The following PBX1 variants were observed in gnomAD, a reference collection of about 807,000 sequenced individuals.
PBX1 encodes pre-B-cell leukemia transcription factor 1.
A neutral mutation model predicts 53.4 loss-of-function variants in PBX1; 6 were observed. That is an observed-to-expected ratio of 0.11 (90% confidence interval 0.06 to 0.22). The LOEUF (loss-of-function observed/expected upper bound fraction) is 0.22, where lower values mean the gene tolerates loss of function less well. PBX1 is among the 10% of genes least tolerant of loss of function. PBX1 has a pLI of 1.00. For synonymous variants in PBX1, 204 were observed against 212.3 expected (o/e 0.96, Z 0.34); for missense variants, 251 against 551.4 (o/e 0.46, Z 5.46).
chr1:164,628,022 T>C (rs1780336), intron 2 of PBX1, among the ~76,000 whole-genome samples: 149,208 of 152,338 alleles, frequency 0.98, 73,143 homozygotes, highest in Middle Eastern at 1. Flanking sequence ...GAGAAAAGTA[T>C]GTTAATTGCT....
chr1:164,680,497 C>T (rs895785640), intron 2 of PBX1: 2 of 152,194 alleles, frequency 1.3e-5, no homozygotes, highest in African/African-American at 4.8e-5. Context: ...ATTTTATACT[C>T]TTATGCAGTG....
chr1:164,622,472 T>G (rs1336210173), intron 2 of PBX1, among the ~76,000 whole-genome samples: 2 of 152,178 alleles, frequency 1.3e-5, no homozygotes, highest in Non-Finnish European at 2.9e-5. Flanking sequence ...TGAGGCTGCT[T>G]GTTCCCTATG....
intron 2 of PBX1, among the ~76,000 whole-genome samples, chr1:164,665,012 A>G (rs1218936449): frequency 4.6e-5 from 7 of 152,174 alleles, no homozygotes; most frequent in South Asian, 2.1e-4. Flanking sequence ...AAAAGAGACC[A>G]TTTTGTAAAA....
intron 2 of PBX1, among the ~76,000 whole-genome samples, chr1:164,735,987 G>A (rs1665248527): frequency 6.6e-6 from 1 of 152,144 alleles, no homozygotes; most frequent in African/African-American, 2.4e-5. Flanking sequence ...ATTGTGGCTT[G>A]TCTATGGATG....
At chr1:164,751,786 T>C (rs1303964438) in intron 2 of PBX1, among the ~76,000 whole-genome samples, 2 of 152,086 alleles carry the variant, frequency 1.3e-5, no homozygotes, top group African/African-American at 2.4e-5. Context: ...TTCACCATGT[T>C]GGCCAGGCTG....
At chr1:164,826,413 C>CT (rs199769824) in intron 8 of PBX1, among the ~76,000 whole-genome samples, 2,980 of 151,050 alleles carry the variant, frequency 0.02, 101 homozygotes, top group African/African-American at 0.068. Context: ...TGTTTGTTTT[C>CT]TTTTTTTTTG....
Position 164,863,212 on chromosome 1 carries a change from G to A in PBX1, n.257+31729G>A, listed in dbSNP as rs146183225. ...GCCCTGGCAGGGAGCTGCCCTAATC[G>A]GTTTTACATTGTAGCTGCATGGAGA... On this transcript the variant is annotated intron_variant and non_coding_transcript_variant, in intron 2 of 2. Transcript: ENST00000558796. Among the ~76,000 whole-genome samples, 1,128 of 152,328 alleles carry A rather than the reference G, an allele frequency of 7.4e-3. 9 individuals are homozygous for A. Among genetic ancestry groups the A allele is most frequent in the African/African-American group, 0.026 (1,088 of 41,570 alleles).
At chr1:164,768,375 C>T (rs2102238797) in intron 2 of PBX1, among the ~76,000 whole-genome samples, 1 of 152,338 alleles carries the variant, frequency 6.6e-6, no homozygotes, top group African/African-American at 2.4e-5. Flanking sequence ...GCCCAGGACA[C>T]AGAGGGGCAC....
intron 2 of PBX1, among the ~76,000 whole-genome samples, chr1:164,857,553 G>A (rs1672006080): frequency 6.6e-6 from 1 of 152,174 alleles, no homozygotes; most frequent in Non-Finnish European, 1.5e-5. Context: ...GTGGGGTGGG[G>A]CTGAAAGTTC....
chr1:164,610,091 C>T (rs1487318288), intron 2 of PBX1, among the ~76,000 whole-genome samples: 1 of 152,192 alleles, frequency 6.6e-6, no homozygotes, highest in Non-Finnish European at 1.5e-5. Flanking sequence ...TCCTTTTGTT[C>T]TGTCAGGTTT....
chr1:164,878,733 A>G (rs919629451), intron 2 of PBX1, among the ~76,000 whole-genome samples: 2 of 152,334 alleles, frequency 1.3e-5, no homozygotes, highest in African/African-American at 4.8e-5. Flanking sequence ...AGTTAGAGAA[A>G]TGGGTAAAAA....
chr1:164,829,264 C>T (rs925567783), intron 8 of PBX1: 1 of 152,180 alleles, frequency 6.6e-6, no homozygotes, highest in African/African-American at 2.4e-5. Flanking sequence ...TGCATTTACA[C>T]ACATATAATC....
At chr1:164,595,929 G>A (rs1437809082) in intron 2 of PBX1, among the ~76,000 whole-genome samples, 1 of 152,134 alleles carries the variant, frequency 6.6e-6, no homozygotes, top group African/African-American at 2.4e-5. Flanking sequence ...GGGCTTTGGT[G>A]GAGTTCAATA....
chr1:164,581,409 G>A (rs1052040650), intron 2 of PBX1, among the ~76,000 whole-genome samples: 1 of 151,932 alleles, frequency 6.6e-6, no homozygotes, highest in Non-Finnish European at 1.5e-5. Flanking sequence ...TGTATTTTTA[G>A]TAAAGACGGG....
At chr1:164,761,546 G>A (rs935078162) in intron 2 of PBX1, among the ~76,000 whole-genome samples, 6 of 151,850 alleles carry the variant, frequency 4.0e-5, no homozygotes, top group African/African-American at 1.2e-4. Context: ...CCAGGTTCAC[G>A]CCATTCTCCT....
chr1:164,866,827 T>C (rs1269427321), intron 2 of PBX1, among the ~76,000 whole-genome samples: 1 of 152,176 alleles, frequency 6.6e-6, no homozygotes, highest in Non-Finnish European at 1.5e-5. Flanking sequence ...TTATATGGCA[T>C]CTGAGATTCA....
intron 2 of PBX1, among the ~76,000 whole-genome samples, chr1:164,758,227 A>C (rs1263570439): frequency 1.3e-5 from 2 of 152,228 alleles, no homozygotes; most frequent in Non-Finnish European, 2.9e-5. Context: ...CGTTGTGTTC[A>C]CAAAATACTG....
At chr1:164,739,455 C>T (rs1359112028) in intron 2 of PBX1, among the ~76,000 whole-genome samples, 1 of 152,148 alleles carries the variant, frequency 6.6e-6, no homozygotes, top group East Asian at 1.9e-4. Flanking sequence ...CAATGAATAC[C>T]TGCTATTGAG....
At chr1:164,567,495 A>C (rs956849461) in intron 2 of PBX1, among the ~76,000 whole-genome samples, 1 of 152,072 alleles carries the variant, frequency 6.6e-6, no homozygotes, top group Non-Finnish European at 1.5e-5. Flanking sequence ...GGATCAAATG[A>C]AAGGAACTTA....
Sources: gnomAD v4.1 joint callset for allele counts (sites outside exome capture counted in the v4.1 genomes callset) on GRCh38, gnomAD v4.1.1 for gene constraint, MANE v1.5 for transcripts, NCBI Gene and HGNC (gene_info 2026-07-23, HGNC 2026-07-21) for gene names.